METTL25: variants seen among roughly 807,000 people sequenced by gnomAD.
METTL25 encodes the protein probable methyltransferase-like protein 25.
In METTL25, 64 loss-of-function variants were observed where a neutral mutation model predicts 71.6. That is an observed-to-expected ratio of 0.89 (90% CI 0.73 to 1.10). METTL25 has a LOEUF of 1.10. Among genes scored for constraint, METTL25 ranks in the 50% least tolerant of loss-of-function variants. The probability of loss-of-function intolerance (pLI) is 0.00; values close to 1 mark genes in which losing one functional copy is unlikely to be tolerated. For synonymous variants in METTL25, 287 were observed against 250.3 expected, an observed-to-expected ratio of 1.15 and a Z score of -1.38; for missense variants, 807 against 707.0, an observed-to-expected ratio of 1.14 and a Z score of -1.60.
chr12:82,395,141 T>G (rs887156110), intron 3 of METTL25, among the ~76,000 whole-genome samples: 2 of 152,062 alleles, frequency 1.3e-5, no homozygotes, highest in Non-Finnish European at 2.9e-5. Context: ...GAAACAGATA[T>G]TTCCACTATA....
chr12:82,398,015 G>A (rs922921929), intron 3 of METTL25, among the ~76,000 whole-genome samples: 6 of 151,744 alleles, frequency 4.0e-5, no homozygotes, highest in African/African-American at 1.5e-4. Flanking sequence ...ACAAAGCTTA[G>A]CTAGGATTTT....
At chr12:82,450,818 CACA>C (rs1037530835) in intron 8 of METTL25, among the ~76,000 whole-genome samples, 3 of 152,054 alleles carry the variant, frequency 2.0e-5, no homozygotes, top group Admixed American at 2.0e-4. Flanking sequence ...GGAATTCTTC[CACA>C]GATAGTCTCT....
chr12:82,400,769 C>T (rs981057741), intron 4 of METTL25, among the ~76,000 whole-genome samples: 11 of 152,086 alleles, frequency 7.2e-5, no homozygotes, highest in African/African-American at 2.4e-4. Flanking sequence ...CTAACACCCC[C>T]TATTCCCCCT....
In METTL25 at chr12:82,358,547, G is replaced by C. The variant is rs773856101; in HGVS notation, c.-19G>C. ...CACGGCCATGTTTGCGCCACCTACA[G>C]CCTCGGAGGGTGAGCGTCATGGCGG... On this transcript the variant is annotated 5_prime_UTR_variant, in exon 1 of 12. Transcript: ENST00000248306. The C allele has an allele frequency of 1.1e-5, 18 of 1,606,506 alleles. No individual in the cohort carries two copies. Among genetic ancestry groups the C allele is most frequent in the Non-Finnish European group, 1.5e-5 (18 of 1,178,216 alleles).
At chr12:82,419,112 G>A (rs1231608588) in intron 5 of METTL25, among the ~76,000 whole-genome samples, 1 of 152,026 alleles carries the variant, frequency 6.6e-6, no homozygotes, top group African/African-American at 2.4e-5. Flanking sequence ...CAGCAGACAA[G>A]TTCCCAGATG....
chr12:82,462,420 TTAA>T (rs1891945773), intron 9 of METTL25, among the ~76,000 whole-genome samples: 1 of 152,144 alleles, frequency 6.6e-6, no homozygotes, highest in South Asian at 2.1e-4. Flanking sequence ...TTCTATGAGA[TTAA>T]TGTTTTTTCC....
chr12:82,472,216 C>T (rs1416747399), intron 9 of METTL25, among the ~76,000 whole-genome samples: 1 of 152,116 alleles, frequency 6.6e-6, no homozygotes, highest in Non-Finnish European at 1.5e-5. Context: ...TTTGTGAGTA[C>T]ATAAAAGTGT....
At chr12:82,433,666 A>G (rs1215357531) in intron 6 of METTL25, among the ~76,000 whole-genome samples, 1 of 151,612 alleles carries the variant, frequency 6.6e-6, no homozygotes, top group Non-Finnish European at 1.5e-5. Context: ...ACTTATCTTG[A>G]TAGTGATCTT....
At chr12:82,416,985 T>C (rs137940484) in intron 5 of METTL25, among the ~76,000 whole-genome samples, 1 of 152,252 alleles carries the variant, frequency 6.6e-6, no homozygotes, top group East Asian at 1.9e-4. Flanking sequence ...AACTATAAAA[T>C]TCTAAGGTGG....
In METTL25 at chr12:82,446,842, C is replaced by A. The variant is rs144188854; in HGVS notation, c.1478+8051C>A. Among the ~76,000 whole-genome samples the A allele has an allele frequency of 2.6e-3, 389 of 152,102 alleles. 2 individuals are homozygous for A. Among genetic ancestry groups the A allele is most frequent in the African/African-American group, 8.8e-3 (367 of 41,520 alleles). On this transcript the variant is annotated intron_variant, in intron 8 of 11. Transcript: ENST00000248306. ...ATGTTGGCCAGGCTGGTCTCAAACT[C>A]CTGACCTCAGGTGATCTGCCTGCCT... is the stretch of plus-strand genomic sequence containing the variant.
chr12:82,392,152 T>A (rs992968561), intron 3 of METTL25, among the ~76,000 whole-genome samples: 1 of 150,750 alleles, frequency 6.6e-6, no homozygotes, highest in Non-Finnish European at 1.5e-5. Context: ...ATGTGCAGAA[T>A]GTGCAGGTTA....
At chr12:82,410,023 CTGT>C (rs1305333130) in intron 5 of METTL25, among the ~76,000 whole-genome samples, 2 of 151,976 alleles carry the variant, frequency 1.3e-5, no homozygotes, top group Admixed American at 6.6e-5. Flanking sequence ...ATTATCTTTA[CTGT>C]TGTTGAGGTT....
chr12:82,368,223 CG>C (rs1369969761), intron 1 of METTL25, among the ~76,000 whole-genome samples: 1 of 152,060 alleles, frequency 6.6e-6, no homozygotes, highest in East Asian at 1.9e-4. Flanking sequence ...GAAGTAACTG[CG>C]TAAGTTGTTC....
At chr12:82,412,117 C>T (rs987140910) in intron 5 of METTL25, among the ~76,000 whole-genome samples, 2 of 152,040 alleles carry the variant, frequency 1.3e-5, no homozygotes, top group Non-Finnish European at 2.9e-5. Flanking sequence ...TTAAGAAACA[C>T]ATTTTACAAC....
At chr12:82,373,740 A>T (rs565986346) in intron 1 of METTL25, among the ~76,000 whole-genome samples, 1 of 152,320 alleles carries the variant, frequency 6.6e-6, no homozygotes, top group East Asian at 1.9e-4. Context: ...GGCTCAGCCC[A>T]GAAGTACAGG....
chr12:82,472,626 C>G (rs1214782993), intron 9 of METTL25, among the ~76,000 whole-genome samples: 1 of 152,038 alleles, frequency 6.6e-6, no homozygotes, highest in African/African-American at 2.4e-5. Context: ...TTGGTCTGTT[C>G]TGTTATTGAA....
At chr12:82,454,105 ATAT>A (rs886675296) in intron 8 of METTL25, among the ~76,000 whole-genome samples, 22 of 152,266 alleles carry the variant, frequency 1.4e-4, no homozygotes, top group African/African-American at 4.6e-4. Flanking sequence ...AAAAAATCTA[ATAT>A]TCTCTTTCCC....
intron 5 of METTL25, 131 bp downstream of exon 5, chr12:82,403,261 T>A (rs1886803208): frequency 1.3e-6 from 1 of 795,062 alleles, no homozygotes; most frequent in Admixed American, 3.1e-5. Context: ...AACATCTGAC[T>A]TACTTGCACT....
At chr12:82,438,512 C>CTT (rs58370071) in intron 7 of METTL25, 9,231 of 211,766 alleles carry the variant, frequency 0.044, 305 homozygotes, top group Non-Finnish European at 0.058. Context: ...TTTATGGTTT[C>CTT]TTTTTTTTTT....
Sources: allele counts gnomAD v4.1 joint callset (sites outside exome capture counted in the v4.1 genomes callset), GRCh38; gene constraint gnomAD v4.1.1; transcripts MANE v1.5; gene names NCBI Gene and HGNC (gene_info 2026-07-23, HGNC 2026-07-21).